Variants in UPF2 observed in about 807,000 individuals in gnomAD.
The protein encoded by UPF2 is regulator of nonsense transcripts 2.
Under a neutral mutation model 141.4 loss-of-function variants are expected in UPF2, and 17 were observed. The observed-to-expected ratio is 0.12, with a 90% CI of 0.08 to 0.18. UPF2 has a LOEUF of 0.18. Among genes scored for constraint, UPF2 ranks in the 10% least tolerant of loss-of-function variants. UPF2 has a pLI of 1.00. For missense variants in UPF2, 1,152 were observed against 1,515.9 expected (o/e 0.76, Z 3.99); for synonymous variants, 540 against 498.0 (o/e 1.08, Z -1.12).
intron 21 of UPF2, among the ~76,000 whole-genome samples, chr10:11,929,219 G>A (rs1481771044): frequency 1.3e-5 from 2 of 152,170 alleles, no homozygotes; most frequent in Admixed American, 6.6e-5. Flanking sequence ...TAGATTTTTA[G>A]TTTTTGTAAA....
chr10:12,014,453 TTTAAA>T lies in UPF2; in HGVS notation c.1146-274_1146-270del, dbSNP rs1288726799. On this transcript the variant is annotated intron_variant, in intron 3 of 21. Transcript: ENST00000357604. This position sits in a 1 kb window ranked among gnomAD's most constrained non-coding sequence, Gnocchi z 5.0. ...ATTTAACAATATACATCTAAATAATTTTAAATTATTCAGTATTTTATTACAGTCAC... is the reference window on the plus strand; with the variant it reads ...ATTTAACAATATACATCTAAATAATTTTATTCAGTATTTTATTACAGTCAC... Among the ~76,000 whole-genome samples, 3 of 152,150 alleles carry T rather than the reference TTTAAA, an allele frequency of 2.0e-5. No individual in the cohort carries two copies. The highest frequency in any genetic ancestry group is 2.9e-5 in the Non-Finnish European group (2 of 68,022).
At chr10:11,923,726 C>T (rs981309032) in intron 21 of UPF2, among the ~76,000 whole-genome samples, 1 of 151,148 alleles carries the variant, frequency 6.6e-6, no homozygotes. Context: ...GTAATCACAG[C>T]TACTTGGGAG....
rs2131190846 is a variant in UPF2 at position 11,956,850 on chromosome 10, T to C, written c.2371-327A>G. On this transcript the variant is annotated intron_variant, in intron 12 of 21. Coordinates refer to ENST00000357604, the MANE Select transcript of UPF2 (RefSeq NM_015542.4). The surrounding 1 kb of genome is among the most constrained non-coding windows in gnomAD (Gnocchi z 4.2). Reference sequence around the variant, plus strand: ...TTCTTTTTCCCCCCCAGACACAGTCTCACTCTGTCACCCAGGCTGGAGTGC... The same window carrying C: ...TTCTTTTTCCCCCCCAGACACAGTCCCACTCTGTCACCCAGGCTGGAGTGC... Among the ~76,000 whole-genome samples the C allele has an allele frequency of 6.6e-6, 1 of 152,212 alleles. No individual in the cohort carries two copies.
At position 11,936,829 on chromosome 10, in the gene UPF2, C is replaced by G; in HGVS notation, c.3379-117G>C. Reference sequence around the variant, plus strand: ...CTTAAAACACAACAATCATAAGAGCCATAACAGTCAACAATTACAACCACC... The same window carrying G: ...CTTAAAACACAACAATCATAAGAGCGATAACAGTCAACAATTACAACCACC... On this transcript the variant is annotated intron_variant, in intron 18 of 21. Transcript: ENST00000357604. The surrounding 1 kb of genome is among the most constrained non-coding windows in gnomAD (Gnocchi z 6.6). 1.0e-6 allele frequency: 1 copy of G among 991,916 alleles called. No individual in the cohort carries two copies. The highest frequency in any genetic ancestry group is 1.4e-6 in the Non-Finnish European group (1 of 713,614). 61.4% of individuals were successfully genotyped at this position (991,916 alleles called of 1,614,324 possible). A position where few individuals can be genotyped will look rare whatever the true frequency, so the allele number is the denominator to read the frequency against.
At chr10:12,001,628 G>A (rs770649061) in intron 6 of UPF2, 48 bp downstream of exon 6, 13 of 1,520,818 alleles carry the variant, frequency 8.5e-6, no homozygotes, top group East Asian at 2.3e-5. Flanking sequence ...CAAGAGCTCT[G>A]TGTGTAAAAA....
chr10:12,025,062 T>C (rs1277184783), intron 3 of UPF2, among the ~76,000 whole-genome samples: 1 of 151,916 alleles, frequency 6.6e-6, no homozygotes, highest in East Asian at 1.9e-4. Flanking sequence ...CCAATAGGGA[T>C]TGTGCACTAA....
At chr10:12,041,515 G>A (rs944903859) in intron 1 of UPF2, among the ~76,000 whole-genome samples, 2 of 152,116 alleles carry the variant, frequency 1.3e-5, no homozygotes, top group African/African-American at 2.4e-5. Context: ...GTATTGGGGG[G>A]AAGAGGGCAC....
At chr10:11,922,788 C>T (rs1832662420) in intron 21 of UPF2, among the ~76,000 whole-genome samples, 1 of 151,646 alleles carries the variant, frequency 6.6e-6, no homozygotes, top group Non-Finnish European at 1.5e-5. Flanking sequence ...AAAAAAAAAT[C>T]TGATGAAAAA....
At chr10:12,005,103 T>C (rs919085410) in intron 4 of UPF2, among the ~76,000 whole-genome samples, 1 of 85,642 alleles carries the variant, frequency 1.2e-5, no homozygotes. Flanking sequence ...ACCTCCCCCA[T>C]GAGTATTTTT....
At chr10:11,930,037 C>T (rs1832764097) in intron 20 of UPF2, 52 bp from the exon 21 acceptor site, 1 of 1,610,926 alleles carries the variant, frequency 6.2e-7, no homozygotes, top group South Asian at 1.1e-5. Flanking sequence ...GAAATGTACT[C>T]CTCCTACAGA....
chr10:11,944,786 T>C (rs1314489552), intron 16 of UPF2, among the ~76,000 whole-genome samples: 1 of 152,236 alleles, frequency 6.6e-6, no homozygotes, highest in Non-Finnish European at 1.5e-5. Context: ...TCATTTGTCC[T>C]ATCCCAGTGT....
rs1439504001 is a variant in UPF2 at position 11,939,740 on chromosome 10, C to T, written c.3378+2925G>A. On this transcript the variant is annotated intron_variant, in intron 18 of 21. Coordinates refer to ENST00000357604, the MANE Select transcript of UPF2 (RefSeq NM_015542.4). This position sits in a 1 kb window ranked among gnomAD's most constrained non-coding sequence, Gnocchi z 4.8. ...CCATGTTGGCCAGGCTGGTCTTGAA[C>T]TCCTGACCTCAGGTGATCCACCCGC... is the stretch of plus-strand genomic sequence containing the variant. 3.9e-5 allele frequency among the ~76,000 whole-genome samples: 6 copies of T among 152,114 alleles called. No homozygotes were observed. Among genetic ancestry groups the T allele is most frequent in the African/African-American group, 1.4e-4 (6 of 41,430 alleles).
chr10:11,970,495 G>A (rs1473550721), intron 9 of UPF2, among the ~76,000 whole-genome samples: 6 of 151,682 alleles, frequency 4.0e-5, no homozygotes, highest in Non-Finnish European at 5.9e-5. Flanking sequence ...GAGAAAACAC[G>A]TAAGAAAGCA....
chr10:11,956,610 A>G lies in UPF2; in HGVS notation c.2371-87T>C. The G allele has an allele frequency of 7.9e-7, 1 of 1,266,856 alleles. No homozygotes were observed. The highest frequency in any genetic ancestry group is 2.3e-5 in the East Asian group (1 of 42,742). 78.5% of individuals were successfully genotyped at this position (1,266,856 alleles called of 1,614,324 possible). On this transcript the variant is annotated intron_variant, in intron 12 of 21. Coordinates refer to ENST00000357604, the MANE Select transcript of UPF2 (RefSeq NM_015542.4). This position sits in a 1 kb window ranked among gnomAD's most constrained non-coding sequence, Gnocchi z 4.2. ...TACAGAAATTTTGCTATGATTGCGCAGAGAACTTTTGAAATAGAAAATACA... is the reference window on the plus strand; with the variant it reads ...TACAGAAATTTTGCTATGATTGCGCGGAGAACTTTTGAAATAGAAAATACA...
rs9663803 is a variant in UPF2, at chr10:11,952,290, G to C, written c.2851-41C>G. ...AAATAAATTTAGCTATAAGAAATTA[G>C]TAACAAAATATTTTAAAATAATAAA... is the stretch of plus-strand genomic sequence containing the variant. On this transcript the variant is annotated intron_variant, in intron 14 of 21. Coordinates refer to ENST00000357604, the MANE Select transcript of UPF2 (RefSeq NM_015542.4). 6,696 of 1,497,094 alleles carry C rather than the reference G, an allele frequency of 4.5e-3. 183 individuals carry two copies. The African/African-American group carries it at 0.071, about 16-fold the overall frequency. 92.7% of individuals were successfully genotyped at this position (1,497,094 alleles called of 1,614,324 possible). A position where few individuals can be genotyped will look rare whatever the true frequency, so the allele number is the denominator to read the frequency against.
At chr10:11,977,823 C>CAACAA (rs916977133) in intron 9 of UPF2, among the ~76,000 whole-genome samples, 21 of 152,158 alleles carry the variant, frequency 1.4e-4, no homozygotes, top group African/African-American at 5.1e-4. Context: ...AGAATTCTTA[C>CAACAA]AACAAAACAA....
intron 9 of UPF2, among the ~76,000 whole-genome samples, chr10:11,972,483 T>C (rs1475780956): frequency 1.3e-5 from 2 of 152,194 alleles, no homozygotes; most frequent in Non-Finnish European, 2.9e-5. Context: ...GCTGCACCCG[T>C]TAACTCGTCA....
At chr10:11,958,409 A>G (rs1431059643) in intron 12 of UPF2, among the ~76,000 whole-genome samples, 2 of 152,188 alleles carry the variant, frequency 1.3e-5, no homozygotes, top group Non-Finnish European at 2.9e-5. Flanking sequence ...GACATTTCCA[A>G]CGAAGCTGGT....
chr10:12,016,236 T>C lies in UPF2; in HGVS notation c.1146-2052A>G, dbSNP rs1033642384. Among the ~76,000 whole-genome samples, 5 of 152,156 alleles carry C rather than the reference T, an allele frequency of 3.3e-5. No homozygotes were observed. The highest frequency in any genetic ancestry group is 7.4e-5 in the Non-Finnish European group (5 of 68,010). ...AAAAAAATTTTTTTTAATTTACTTT[T>C]ATTTTTTGTAGAGACGGGAGTCTGG... On this transcript the variant is annotated intron_variant, in intron 3 of 21. Coordinates refer to ENST00000357604, the MANE Select transcript of UPF2 (RefSeq NM_015542.4). This position sits in a 1 kb window ranked among gnomAD's most constrained non-coding sequence, Gnocchi z 4.1.
Sources: gnomAD v4.1 joint callset for allele counts (sites outside exome capture counted in the v4.1 genomes callset) on GRCh38, gnomAD v4.1.1 for gene constraint, Gnocchi (gnomAD v3.1) non-coding constraint, MANE v1.5 for transcripts, NCBI Gene and HGNC (gene_info 2026-07-23, HGNC 2026-07-21) for gene names.